The following BCKDHB variants were observed in gnomAD, a reference collection of about 807,000 sequenced individuals.
BCKDHB encodes the protein 2-oxoisovalerate dehydrogenase subunit beta, mitochondrial.
Under a neutral mutation model 48.5 loss-of-function variants are expected in BCKDHB, and 41 were observed. The ratio of observed to expected loss-of-function variants is 0.85; its 90% CI spans 0.66 to 1.10. BCKDHB has a LOEUF of 1.10. BCKDHB is among the 50% of genes least tolerant of loss of function. The pLI, the probability that BCKDHB is intolerant of heterozygous loss-of-function variation, is 0.00. For synonymous variants in BCKDHB, 201 were observed against 174.8 expected (o/e 1.15, Z -1.18); for missense variants, 496 against 494.2 (o/e 1.00, Z -0.03).
intron 6 of BCKDHB, among the ~76,000 whole-genome samples, chr6:80,188,198 C>T (rs1242323008): frequency 6.6e-6 from 1 of 152,114 alleles, no homozygotes; most frequent in Non-Finnish European, 1.5e-5. Flanking sequence ...AGGCCATTAT[C>T]CATAGCAAAA....
chr6:80,417,254 T>C, the BCKDHB span, among the ~76,000 whole-genome samples: 1 of 152,186 alleles, frequency 6.6e-6, no homozygotes, highest in African/African-American at 2.4e-5. Flanking sequence ...GCATATGAGA[T>C]GGGTCTCTCA....
chr6:80,383,816 C>G, the BCKDHB span, among the ~76,000 whole-genome samples: 1 of 152,086 alleles, frequency 6.6e-6, no homozygotes, highest in Non-Finnish European at 1.5e-5. Flanking sequence ...CCCAGTTTTT[C>G]TAAATACAAT....
chr6:80,262,007 G>A (rs1174895486), intron 8 of BCKDHB, among the ~76,000 whole-genome samples: 1 of 152,098 alleles, frequency 6.6e-6, no homozygotes, highest in Non-Finnish European at 1.5e-5. Context: ...ATCTCCTCAG[G>A]TTTCCACCCA....
intron 9 of BCKDHB, among the ~76,000 whole-genome samples, chr6:80,329,987 C>G (rs943382900): frequency 7.9e-5 from 12 of 152,044 alleles, no homozygotes; most frequent in African/African-American, 2.9e-4. Context: ...AGATCAGTAC[C>G]AACATCCTAA....
chr6:80,417,938 T>C, the BCKDHB span, among the ~76,000 whole-genome samples: 1 of 152,192 alleles, frequency 6.6e-6, no homozygotes, highest in Admixed American at 6.5e-5. Context: ...TCCATGTTGG[T>C]TCCATTCTCC....
At chr6:80,396,355 G>A in the BCKDHB span, among the ~76,000 whole-genome samples, 1 of 152,182 alleles carries the variant, frequency 6.6e-6, no homozygotes, top group African/African-American at 2.4e-5. Flanking sequence ...ATTATATCTG[G>A]AAAGTAACTA....
the BCKDHB span, among the ~76,000 whole-genome samples, chr6:80,395,951 G>A: frequency 8.5e-5 from 13 of 152,186 alleles, no homozygotes; most frequent in East Asian, 1.3e-3. Context: ...TGGTTTACAC[G>A]TGGGTGCAAA....
intron 7 of BCKDHB, among the ~76,000 whole-genome samples, chr6:80,201,294 A>C (rs751022167): frequency 2.6e-5 from 4 of 152,174 alleles, no homozygotes; most frequent in Non-Finnish European, 1.5e-5. Flanking sequence ...TAATTAATGG[A>C]TCCATCACCA....
intron 8 of BCKDHB, among the ~76,000 whole-genome samples, chr6:80,230,026 G>GTTTTTTTTTTTTTTTT (rs551632775): frequency 3.3e-5 from 2 of 60,646 alleles, no homozygotes; most frequent in African/African-American, 6.9e-5. Context: ...TTTTTAGGTT[G>GTTTTTTTTTTTTTTTT]TTTTTTTTTT....
intron 4 of BCKDHB, 88 bp downstream of exon 4, chr6:80,167,899 T>A (rs1708130036): frequency 1.5e-6 from 2 of 1,305,102 alleles, no homozygotes; most frequent in Admixed American, 1.9e-5. Context: ...ACCTGCATTC[T>A]AAACATTTTA....
At chr6:80,429,349 A>T in the BCKDHB span, among the ~76,000 whole-genome samples, 1 of 152,198 alleles carries the variant, frequency 6.6e-6, no homozygotes, top group Non-Finnish European at 1.5e-5. Context: ...TGTCTTGGCT[A>T]TGCGAGCTGT....
chr6:80,225,876 G>A (rs1775657025), intron 8 of BCKDHB, among the ~76,000 whole-genome samples: 1 of 152,094 alleles, frequency 6.6e-6, no homozygotes, highest in Non-Finnish European at 1.5e-5. Context: ...ACTCAGTATT[G>A]TTATTAGCAT....
intron 8 of BCKDHB, among the ~76,000 whole-genome samples, chr6:80,259,142 A>G (rs1051039081): frequency 1.4e-4 from 21 of 152,288 alleles, no homozygotes; most frequent in African/African-American, 4.6e-4. Context: ...GACATTTTCT[A>G]GATTAGATAT....
At chr6:80,225,621 T>C (rs1775646697) in intron 8 of BCKDHB, among the ~76,000 whole-genome samples, 1 of 152,220 alleles carries the variant, frequency 6.6e-6, no homozygotes, top group African/African-American at 2.4e-5. Context: ...TAGAGTACTT[T>C]GTATCTGTGA....
At chr6:80,313,826 C>T (rs1582553439) in intron 9 of BCKDHB, among the ~76,000 whole-genome samples, 1 of 152,054 alleles carries the variant, frequency 6.6e-6, no homozygotes, top group East Asian at 1.9e-4. Flanking sequence ...TCTTGGTTTT[C>T]TGGTTCTTTT....
chr6:80,167,183 T>G (rs1772619385), intron 3 of BCKDHB, among the ~76,000 whole-genome samples: 1 of 152,178 alleles, frequency 6.6e-6, no homozygotes. Flanking sequence ...TTGCCTGCTA[T>G]TAATATAGTG....
intron 8 of BCKDHB, chr6:80,251,837 G>A (rs865795854): frequency 1.1e-4 from 17 of 152,244 alleles, no homozygotes; most frequent in African/African-American, 4.1e-4. Flanking sequence ...AAAATACTTT[G>A]AACATGAGCT....
chr6:80,380,757 TA>T, the BCKDHB span, among the ~76,000 whole-genome samples: 1 of 151,660 alleles, frequency 6.6e-6, no homozygotes, highest in Non-Finnish European at 1.5e-5. Context: ...ACAACCCCAC[TA>T]AAAACTGGGC....
chr6:80,287,846 C>T (rs1766705341), intron 9 of BCKDHB, among the ~76,000 whole-genome samples: 1 of 152,184 alleles, frequency 6.6e-6, no homozygotes, highest in South Asian at 2.1e-4. Context: ...AAACATGGGT[C>T]AGAGGTTTGC....
Sources: gnomAD v4.1 joint callset for allele counts (sites outside exome capture counted in the v4.1 genomes callset) on GRCh38, gnomAD v4.1.1 for gene constraint, MANE v1.5 for transcripts, NCBI Gene and HGNC (gene_info 2026-07-23, HGNC 2026-07-21) for gene names.